Variants in FOXK2 observed in about 807,000 individuals in gnomAD.
The protein encoded by FOXK2 is forkhead box K2, also known as forkhead box protein K2.
A neutral mutation model predicts 53.3 loss-of-function variants in FOXK2; 24 were observed. The observed-to-expected ratio is 0.45, with a 90% CI of 0.33 to 0.63. The LOEUF is 0.63. FOXK2 is among the 30% of genes least tolerant of loss of function. The pLI, the probability that FOXK2 is intolerant of heterozygous loss-of-function variation, is 0.03. For missense variants in FOXK2, 952 were observed against 910.5 expected (o/e 1.05, Z -0.59); for synonymous variants, 505 against 407.1 (o/e 1.24, Z -2.89).
At chr17:82,583,768 A>T (rs1485425587) in intron 5 of FOXK2, among the ~76,000 whole-genome samples, 1 of 152,190 alleles carries the variant, frequency 6.6e-6, no homozygotes, top group Non-Finnish European at 1.5e-5. Flanking sequence ...GCTCCGCCCC[A>T]CAGCCGTGCC....
Position 82,556,558 on chromosome 17 carries a change from T to TGCTGGG in FOXK2, c.420-6765_420-6760dup, listed in dbSNP as rs372908472. Among the ~76,000 whole-genome samples the TGCTGGG allele has an allele frequency of 6.7e-3, 973 of 144,638 alleles. 12 individuals are homozygous for TGCTGGG. Among genetic ancestry groups the TGCTGGG allele is most frequent in the African/African-American group, 0.021 (836 of 39,358 alleles). The allele number at this position is 144,638 out of a possible 152,430, so 94.9% of individuals were successfully genotyped here. A position where few individuals can be genotyped will look rare whatever the true frequency, so the allele number is the denominator to read the frequency against. On this transcript the variant is annotated intron_variant, in intron 1 of 8. Coordinates refer to ENST00000335255, the MANE Select transcript of FOXK2 (RefSeq NM_004514.4). Reference sequence around the variant, plus strand: ...AAAACACAGAGCACCTCCCTCACCTTGCTGGGGCTGGGGCTGGGGCTGGGG... The same window carrying TGCTGGG: ...AAAACACAGAGCACCTCCCTCACCTTGCTGGGGCTGGGGCTGGGGCTGGGGCTGGGG...
intron 1 of FOXK2, among the ~76,000 whole-genome samples, chr17:82,556,264 T>G (rs1461398224): frequency 6.6e-6 from 1 of 151,930 alleles, no homozygotes; most frequent in Non-Finnish European, 1.5e-5. Context: ...GACAACATGG[T>G]GAAACCCCAT....
At chr17:82,587,861 G>A (rs527918431) in intron 8 of FOXK2, among the ~76,000 whole-genome samples, 1 of 152,350 alleles carries the variant, frequency 6.6e-6, no homozygotes, top group South Asian at 2.1e-4. Context: ...CCTGGCTCAG[G>A]TGTGGGCTCC....
At chr17:82,573,896 G>T (rs2044951502) in intron 4 of FOXK2, among the ~76,000 whole-genome samples, 1 of 152,218 alleles carries the variant, frequency 6.6e-6, no homozygotes, top group African/African-American at 2.4e-5. Context: ...TGCTAAAGAG[G>T]GTGGCTGGAT....
intron 1 of FOXK2, among the ~76,000 whole-genome samples, chr17:82,520,523 C>T (rs1567960861): frequency 6.9e-6 from 1 of 145,574 alleles, no homozygotes; most frequent in Non-Finnish European, 1.5e-5. Context: ...CTGGCAGGTG[C>T]AGCCCCCCGT....
At chr17:82,541,951 G>A (rs1421560794) in intron 1 of FOXK2, among the ~76,000 whole-genome samples, 1 of 150,956 alleles carries the variant, frequency 6.6e-6, no homozygotes, top group African/African-American at 2.4e-5. Context: ...CACAATCTCA[G>A]CTCACTGCAA....
At chr17:82,563,333 T>TGGTGG in intron 1 of FOXK2, 21 bp from the exon 2 acceptor site, 3 of 1,605,322 alleles carry the variant, frequency 1.9e-6, no homozygotes, top group Non-Finnish European at 2.6e-6. Flanking sequence ...AAGGTGCTGA[T>TGGTGG]GGTGGGCTTT....
intron 1 of FOXK2, among the ~76,000 whole-genome samples, chr17:82,561,953 AG>A (rs1229265970): frequency 1.1e-4 from 17 of 151,390 alleles, no homozygotes; most frequent in Non-Finnish European, 2.1e-4. Flanking sequence ...AGCCGGGCTG[AG>A]TCCCGCGCCG....
In FOXK2 at chr17:82,585,579, C is replaced by T. The variant is rs145733045; in HGVS notation, c.1280-325C>T. 1.5e-3 allele frequency among the ~76,000 whole-genome samples: 225 copies of T among 152,248 alleles called. 1 individual carries two copies. Among genetic ancestry groups the T allele is most frequent in the East Asian group, 2.3e-3 (12 of 5,180 alleles). Reference sequence around the variant, plus strand: ...CCTCCCAAAGTGCTGGGATTACAGGCGTGAGCCACTGCGCCCGGCCCAGTT... The same window carrying T: ...CCTCCCAAAGTGCTGGGATTACAGGTGTGAGCCACTGCGCCCGGCCCAGTT... On this transcript the variant is annotated intron_variant, in intron 6 of 8. Transcript: ENST00000335255.
intron 3 of FOXK2, among the ~76,000 whole-genome samples, chr17:82,570,744 A>G (rs2044908597): frequency 6.6e-6 from 1 of 152,194 alleles, no homozygotes; most frequent in African/African-American, 2.4e-5. Context: ...ATCCATGTTG[A>G]CAAGCGTGTT....
chr17:82,602,822 C>T lies in FOXK2; in HGVS notation c.*1323C>T, dbSNP rs775625239. The T allele has an allele frequency of 6.6e-6, 1 of 152,220 alleles. No individual in the cohort carries two copies. The highest frequency in any genetic ancestry group is 2.4e-5 in the African/African-American group (1 of 41,446). 9.4% of individuals were successfully genotyped at this position (152,220 alleles called of 1,614,324 possible). ...AGTGTGCCGGCCGAGGGCCGAGGGC[C>T]GTGCACATGGGGAGAGGGCGTCAGC... On this transcript the variant is annotated 3_prime_UTR_variant, in exon 9 of 9. Coordinates refer to ENST00000335255, the MANE Select transcript of FOXK2 (RefSeq NM_004514.4).
chr17:82,563,674 C>T (rs1483419675), intron 2 of FOXK2, 126 bp downstream of exon 2: 19 of 767,910 alleles, frequency 2.5e-5, no homozygotes, highest in Non-Finnish European at 2.7e-5. Context: ...TTTAAAATAT[C>T]ATTGGATTTC....
intron 1 of FOXK2, among the ~76,000 whole-genome samples, chr17:82,530,462 AAAAAG>A (rs1247865361): frequency 6.9e-6 from 1 of 144,888 alleles, no homozygotes; most frequent in Non-Finnish European, 1.5e-5. Flanking sequence ...AAAAAAAAAA[AAAAAG>A]AGAGAGAAAA....
In FOXK2 at chr17:82,601,305, G is replaced by A. The variant is rs61737961; in HGVS notation, c.1789G>A (p.Ala597Thr). ...CTGACTCCCTCGTGTCATTTCAGCC[G>A]CGGCGAGTCCTTTGCACATGTTGGC... ...TAVHGQVNNA[A>T]ASPLHMLATH... The change falls in exon 9 of 9, where the codon GCG becomes ACG. Residue 597 changes from alanine (A) to threonine (T), a missense_variant and splice_region_variant. Around this residue, in one of 5 missense-constraint regions of FOXK2, gnomAD observed 551 missense variants for 385.1 expected, o/e 1.43. Coordinates refer to ENST00000335255, the MANE Select transcript of FOXK2 (RefSeq NM_004514.4). The A allele has an allele frequency of 9.3e-6, 15 of 1,609,404 alleles. No individual in the cohort carries two copies. The highest frequency in any genetic ancestry group is 2.2e-5 in the East Asian group (1 of 44,798).
chr17:82,596,126 G>C (rs371040205), intron 8 of FOXK2: 2 of 1,043,314 alleles, frequency 1.9e-6, no homozygotes, highest in Non-Finnish European at 1.2e-6. Flanking sequence ...CACAGACTGC[G>C]ACCGCGATTG....
chr17:82,528,274 T>G (rs2044438143), intron 1 of FOXK2, among the ~76,000 whole-genome samples: 1 of 152,182 alleles, frequency 6.6e-6, no homozygotes, highest in Non-Finnish European at 1.5e-5. Context: ...AACAGCAGAT[T>G]TTTCCATTGT....
At chr17:82,590,826 G>A (rs918818253) in intron 8 of FOXK2, among the ~76,000 whole-genome samples, 4 of 152,198 alleles carry the variant, frequency 2.6e-5, no homozygotes, top group Admixed American at 2.0e-4. Context: ...ACCCAAGCAT[G>A]GGGTTAGAAT....
At chr17:82,593,032 G>A (rs1182151327) in intron 8 of FOXK2, among the ~76,000 whole-genome samples, 2 of 147,952 alleles carry the variant, frequency 1.4e-5, no homozygotes, top group African/African-American at 2.5e-5. Flanking sequence ...AGCAGACCCC[G>A]TGAAGGTCTT....
At chr17:82,582,421 C>G (rs2045074728) in intron 4 of FOXK2, among the ~76,000 whole-genome samples, 1 of 152,198 alleles carries the variant, frequency 6.6e-6, no homozygotes, top group Non-Finnish European at 1.5e-5. Context: ...AAACCCCAGG[C>G]TGCTACTTCC....
Sources: allele counts gnomAD v4.1 joint callset (sites outside exome capture counted in the v4.1 genomes callset), GRCh38; gene constraint gnomAD v4.1.1; regional missense constraint gnomAD v4.1.1; transcripts MANE v1.5; gene names NCBI Gene and HGNC (gene_info 2026-07-23, HGNC 2026-07-21).